TLN1: variants seen among roughly 807,000 people sequenced by gnomAD.
TLN1 encodes talin-1.
Under a neutral mutation model 292.3 loss-of-function variants are expected in TLN1, and 56 were observed. The ratio of observed to expected loss-of-function variants is 0.19; its 90% CI spans 0.15 to 0.24. The LOEUF (loss-of-function observed/expected upper bound fraction) is 0.24. TLN1 is among the 10% of genes least tolerant of loss of function. The pLI is 1.00. For missense variants in TLN1, 2,433 were observed against 3,248.2 expected, an observed-to-expected ratio of 0.75 and a Z score of 6.10; for synonymous variants, 1,119 against 1,253.7, an observed-to-expected ratio of 0.89 and a Z score of 2.27.
In TLN1 at chr9:35,704,102, G is replaced by A; in HGVS notation, c.6120C>T (p.Ser2040=). Residue 2040 remains serine (S), a synonymous_variant, in exon 46 of 57, where the codon AGC becomes AGT. Coordinates refer to ENST00000314888, the MANE Select transcript of TLN1 (RefSeq NM_006289.4). The surrounding 1 kb of genome is among the most constrained non-coding windows in gnomAD (Gnocchi z 6.9). ...GGGCAGCCTGCGCCAACTTCTCCTGGCTCCCAGCTGCGTTTTGCACCAGGA... is the reference window on the plus strand; with the variant it reads ...GGGCAGCCTGCGCCAACTTCTCCTGACTCCCAGCTGCGTTTTGCACCAGGA... ...TKVLVQNAAG[S]QEKLAQAAQS... 2 of 1,613,510 alleles carry A rather than the reference G, an allele frequency of 1.2e-6. No individual in the cohort carries two copies. The highest frequency in any genetic ancestry group is 1.7e-6 in the Non-Finnish European group (2 of 1,179,844).
Position 35,720,926 on chromosome 9 carries a change from G to C in TLN1, c.1105-13C>G, listed in dbSNP as rs762259513. The stretch of plus-strand genomic sequence containing the variant: ...AATCTCCAAAATCCTAGGGTGACAA[G>C]TGGGGGACTCAGAGGGAAAGCTCAA... On this transcript the variant is annotated splice_polypyrimidine_tract_variant and intron_variant, in intron 10 of 56. Coordinates refer to ENST00000314888, the MANE Select transcript of TLN1 (RefSeq NM_006289.4). 1 of 1,598,302 alleles carries C rather than the reference G, an allele frequency of 6.3e-7. No individual in the cohort carries two copies. The highest frequency in any genetic ancestry group is 1.7e-5 in the Admixed American group (1 of 59,974).
At position 35,717,476 on chromosome 9, in the gene TLN1, G is replaced by A; in HGVS notation, c.2164-36C>T. On this transcript the variant is annotated intron_variant, in intron 18 of 56. Transcript: ENST00000314888. The surrounding 1 kb of genome is among the most constrained non-coding windows in gnomAD (Gnocchi z 4.7). ...AGTGAATGTCAGAGACGTAGGCAAG[G>A]GAAAGGAGGTAGAGTATGCTGCTCA... 1 of 1,599,678 alleles carries A rather than the reference G, an allele frequency of 6.3e-7. No individual in the cohort carries two copies. The highest frequency in any genetic ancestry group is 1.3e-5 in the African/African-American group (1 of 74,850).
At chr9:35,709,317 A>T (rs1825619362) in intron 33 of TLN1, among the ~76,000 whole-genome samples, 2 of 146,982 alleles carry the variant, frequency 1.4e-5, no homozygotes. Flanking sequence ...ACAAAAAACC[A>T]AAAAAACAAA....
Position 35,725,552 on chromosome 9 carries a change from G to C in TLN1, c.130+13C>G, listed in dbSNP as rs762782053. 19 of 1,609,978 alleles carry C rather than the reference G, an allele frequency of 1.2e-5. No individual in the cohort carries two copies. Among genetic ancestry groups the C allele is most frequent in the African/African-American group, 2.7e-5 (2 of 74,828 alleles). ...AAGACTCCCACTCCAGCCACCGGGG[G>C]AGTCAGACTCACGAGGACCAGCTGG... On this transcript the variant is annotated intron_variant, in intron 2 of 56. Coordinates refer to ENST00000314888, the MANE Select transcript of TLN1 (RefSeq NM_006289.4).
In TLN1 at chr9:35,700,329, G is replaced by A. The variant is rs1032221970; in HGVS notation, c.6522C>T (p.Asp2174=). ...EPPAKTSTPE[D]FIRMTKGITM... is the part of the protein sequence containing the mutation. ...TGATACCCTTGGTCATTCGGATGAA[G>A]TCTTCTGGGGTAGAGGTCTTGGCAG... Residue 2174 remains aspartate (D), a synonymous_variant, in exon 49 of 57, where the codon GAC becomes GAT. Coordinates refer to ENST00000314888, the MANE Select transcript of TLN1 (RefSeq NM_006289.4). 6.2e-6 allele frequency: 10 copies of A among 1,610,656 alleles called. No homozygotes were observed. In the South Asian group the frequency reaches 8.8e-5, roughly 14 times the overall value.
intron 10 of TLN1, 85 bp downstream of exon 10, chr9:35,721,563 T>C (rs1026753559): frequency 6.8e-7 from 1 of 1,472,810 alleles, no homozygotes; most frequent in Non-Finnish European, 9.2e-7. Flanking sequence ...TCAGTATACT[T>C]ACCCCAAGAG....
chr9:35,704,583 G>A lies in TLN1; in HGVS notation c.5881-85C>T, dbSNP rs559259521. On this transcript the variant is annotated intron_variant, in intron 44 of 56. Coordinates refer to ENST00000314888, the MANE Select transcript of TLN1 (RefSeq NM_006289.4). This position sits in a 1 kb window ranked among gnomAD's most constrained non-coding sequence, Gnocchi z 6.9. ...CCATGCCTGGGAGAAGTGACAACAGGAGAGGGCTGAGAGGGCTGGAGGAGG... is the reference window on the plus strand; with the variant it reads ...CCATGCCTGGGAGAAGTGACAACAGAAGAGGGCTGAGAGGGCTGGAGGAGG... 2.5e-5 allele frequency: 40 copies of A among 1,589,642 alleles called. No homozygotes were observed. The highest frequency in any genetic ancestry group is 1.2e-4 in the South Asian group (11 of 88,070).
Position 35,700,044 on chromosome 9 carries a change from C to G in TLN1, c.6698G>C (p.Arg2233Pro), listed in dbSNP as rs544154004. Residue 2233 changes from arginine to proline, a missense_variant, in exon 50 of 57, where the codon CGG (arginine) becomes CCG (proline). Transcript: ENST00000314888. ...AYHPEVAPDVRLRALHYGREC... is the reference protein window; with the variant it reads ...AYHPEVAPDVPLRALHYGREC... ...CCGGCCATAGTGCAGGGCTCGAAGC[C>G]GCACATCAGGGGCCACTTCTGGGTG... 1.2e-6 allele frequency: 2 copies of G among 1,613,420 alleles called. No homozygotes were observed. The highest frequency in any genetic ancestry group is 1.1e-5 in the South Asian group (1 of 91,006).
Position 35,724,131 on chromosome 9 carries a change from G to C in TLN1, c.655-52C>G. 6.2e-7 allele frequency: 1 copy of C among 1,613,372 alleles called. No individual in the cohort carries two copies. The highest frequency in any genetic ancestry group is 1.3e-5 in the African/African-American group (1 of 75,018). On this transcript the variant is annotated intron_variant, in intron 6 of 56. Transcript: ENST00000314888. The surrounding 1 kb of genome is among the most constrained non-coding windows in gnomAD (Gnocchi z 4.7). ...ATGTTGTGTGTGGGTGCAAGGACAC[G>C]CACACTGTGCTTCCGAGCCCTCCCT...
chr9:35,724,526 C>T lies in TLN1; in HGVS notation c.511+46G>A. ...CAGAAGCAGATGCTGAAGCCCCTTC[C>T]CACCCTTCCCATTTCAAAAGCCCTC... On this transcript the variant is annotated intron_variant, in intron 5 of 56. Transcript: ENST00000314888. The surrounding 1 kb of genome is among the most constrained non-coding windows in gnomAD (Gnocchi z 4.7). 1 of 1,596,266 alleles carries T rather than the reference C, an allele frequency of 6.3e-7. No homozygotes were observed. Among genetic ancestry groups the T allele is most frequent in the Non-Finnish European group, 8.5e-7 (1 of 1,170,860 alleles).
intron 25 of TLN1, among the ~76,000 whole-genome samples, chr9:35,713,689 A>T (rs1166650341): frequency 6.6e-6 from 1 of 152,034 alleles, no homozygotes; most frequent in East Asian, 1.9e-4. Flanking sequence ...ATCAAGAAAG[A>T]AAAAGAAATA....
At chr9:35,710,511 G>C (rs370649594) in intron 33 of TLN1, 50 bp downstream of exon 33, 2 of 1,584,458 alleles carry the variant, frequency 1.3e-6, no homozygotes, top group African/African-American at 2.7e-5. Flanking sequence ...GAGAGAAAAT[G>C]GGGTAAAGAA....
chr9:35,706,322 T>G lies in TLN1; in HGVS notation c.5235A>C (p.Ala1745=), dbSNP rs201321414. Residue 1745 remains alanine (A), a synonymous_variant, in exon 40 of 57, where the codon GCA becomes GCC. Transcript: ENST00000314888. The surrounding 1 kb of genome is among the most constrained non-coding windows in gnomAD (Gnocchi z 4.2). ...AQYFEPLTLA[A]VGAASKTLSH... ...TCAGGGTCTTGGAGGCAGCACCCAC[T>G]GCAGCCAGGGTGAGCGGCTCAAAGT... 1 of 1,612,988 alleles carries G rather than the reference T, an allele frequency of 6.2e-7. No homozygotes were observed. Among genetic ancestry groups the G allele is most frequent in the Non-Finnish European group, 8.5e-7 (1 of 1,179,438 alleles).
At position 35,724,647 on chromosome 9, in the gene TLN1, T is replaced by G; in HGVS notation, c.436A>C (p.Arg146=). The change falls in exon 5 of 57, where the codon AGA becomes CGA. Residue 146 remains arginine (R), a synonymous_variant. Coordinates refer to ENST00000314888, the MANE Select transcript of TLN1 (RefSeq NM_006289.4). The surrounding 1 kb of genome is among the most constrained non-coding windows in gnomAD (Gnocchi z 4.7). The part of the protein sequence containing the change: ...EKKEEITGTL[R]KDKTLLRDEK... ...TCTCGCAGCAATGTCTTGTCCTTTC[T>G]TAAGGTCCCTGTTATTTCCTCCTTT... The G allele has an allele frequency of 6.2e-7, 1 of 1,614,252 alleles. No homozygotes were observed. Among genetic ancestry groups the G allele is most frequent in the Non-Finnish European group, 8.5e-7 (1 of 1,180,052 alleles).
Position 35,719,184 on chromosome 9 carries a change from C to T in TLN1, c.1786G>A (p.Ala596Thr). 6.2e-7 allele frequency: 1 copy of T among 1,614,224 alleles called. No homozygotes were observed. The highest frequency in any genetic ancestry group is 8.5e-7 in the Non-Finnish European group (1 of 1,180,034). The part of the protein sequence containing the change: ...EMSRGVKLLA[A>T]LLEDEGGSGR... ...CTGCCGCCTTCGTCCTCCAGCAAGG[C>T]AGCCAGCAGCTTCACCCCACGGGAC... Residue 596 changes from alanine (A) to threonine (T), a missense_variant, in exon 16 of 57, where the codon GCC becomes ACC. Physicochemically the swap from Ala to Thr is moderately conservative, Grantham distance 58 (BLOSUM62 0). Transcript: ENST00000314888. The surrounding 1 kb of genome is among the most constrained non-coding windows in gnomAD (Gnocchi z 4.6).
intron 7 of TLN1, chr9:35,723,694 T>G: frequency 2.2e-6 from 1 of 446,142 alleles, no homozygotes; most frequent in African/African-American, 2.0e-5. Context: ...GCAAAATTCT[T>G]CAGATAATCT....
rs182406064 is a variant in TLN1, at chr9:35,707,370, A to G, written c.4751T>C (p.Ile1584Thr). Residue 1584 changes from isoleucine to threonine, a missense_variant, in exon 36 of 57, where the codon ATT becomes ACT. By Grantham distance (89) the Ile-to-Thr change is moderately conservative. Transcript: ENST00000314888. This position sits in a 1 kb window ranked among gnomAD's most constrained non-coding sequence, Gnocchi z 5.6. The stretch of plus-strand genomic sequence containing the variant: ...CACCTCAGGGCTGATCTGGGCAGGA[A>G]TGCTGGAGAACTCAGGGTTGGACGC... ...AFASNPEFSS[I>T]PAQISPEGRA... 5 of 1,614,142 alleles carry G rather than the reference A, an allele frequency of 3.1e-6. No individual in the cohort carries two copies. Among genetic ancestry groups the G allele is most frequent in the Admixed American group, 1.7e-5 (1 of 60,018 alleles).
In TLN1 at chr9:35,706,698, C is replaced by G. The variant is rs529948617; in HGVS notation, c.5088+70G>C. Reference sequence around the variant, plus strand: ...TGTCCCTAAGAAGCCACTCCTTGATCCCCCAGCTTCTTTGAGTCTGATATT... The same window carrying G: ...TGTCCCTAAGAAGCCACTCCTTGATGCCCCAGCTTCTTTGAGTCTGATATT... On this transcript the variant is annotated intron_variant, in intron 38 of 56. Coordinates refer to ENST00000314888, the MANE Select transcript of TLN1 (RefSeq NM_006289.4). This position sits in a 1 kb window ranked among gnomAD's most constrained non-coding sequence, Gnocchi z 4.2. The G allele has an allele frequency of 1.3e-6, 2 of 1,589,156 alleles. No homozygotes were observed. The highest frequency in any genetic ancestry group is 1.7e-6 in the Non-Finnish European group (2 of 1,167,256).
At chr9:35,726,235 G>A (rs1474560915) in intron 1 of TLN1, among the ~76,000 whole-genome samples, 1 of 152,146 alleles carries the variant, frequency 6.6e-6, no homozygotes, top group East Asian at 1.9e-4. Flanking sequence ...GACATCTGAG[G>A]GAAAGGAGAA....
Sources: allele counts gnomAD v4.1 joint callset (sites outside exome capture counted in the v4.1 genomes callset), GRCh38; gene constraint gnomAD v4.1.1; non-coding constraint Gnocchi (gnomAD v3.1); transcripts MANE v1.5; gene names NCBI Gene and HGNC (gene_info 2026-07-23, HGNC 2026-07-21).